CDH8: variants seen among roughly 807,000 people sequenced by gnomAD.
CDH8 encodes cadherin 8.
In CDH8, 17 loss-of-function variants were observed where a neutral mutation model predicts 68.1. The ratio of observed to expected loss-of-function variants is 0.25; its 90% CI spans 0.17 to 0.37. The LOEUF (loss-of-function observed/expected upper bound fraction) is 0.37. Ranked by LOEUF, CDH8 falls within the 10% of genes least tolerant of loss-of-function variation. CDH8 has a pLI of 1.00. For missense variants in CDH8, 763 were observed against 999.3 expected (o/e 0.76, Z 3.19); for synonymous variants, 372 against 365.1 (o/e 1.02, Z -0.21).
chr16:61,958,907 G>T (rs1327973642), intron 2 of CDH8, among the ~76,000 whole-genome samples: 1 of 152,008 alleles, frequency 6.6e-6, no homozygotes, highest in Non-Finnish European at 1.5e-5. Flanking sequence ...ATCTCCATCA[G>T]TATAACCCCC....
intron 2 of CDH8, among the ~76,000 whole-genome samples, chr16:62,008,649 G>A (rs947247546): frequency 6.6e-6 from 1 of 152,086 alleles, no homozygotes; most frequent in African/African-American, 2.4e-5. Flanking sequence ...TTATAGGCAT[G>A]AGTCACAGTC....
chr16:61,878,862 T>C (rs1963512640), intron 3 of CDH8, among the ~76,000 whole-genome samples: 1 of 152,194 alleles, frequency 6.6e-6, no homozygotes, highest in Admixed American at 6.5e-5. Flanking sequence ...GTGGCCTCCA[T>C]GATCCACAAT....
At chr16:61,995,303 G>A (rs933669029) in intron 2 of CDH8, among the ~76,000 whole-genome samples, 21 of 152,294 alleles carry the variant, frequency 1.4e-4, no homozygotes, top group African/African-American at 5.1e-4. Context: ...TTACTGTTTT[G>A]CACAAAAGAT....
At chr16:61,875,697 A>C (rs1963445968) in intron 3 of CDH8, among the ~76,000 whole-genome samples, 1 of 152,150 alleles carries the variant, frequency 6.6e-6, no homozygotes, top group Non-Finnish European at 1.5e-5. Flanking sequence ...AGAAAGTACT[A>C]TGTCAGGTGT....
At chr16:61,952,726 C>T (rs962333100) in intron 2 of CDH8, among the ~76,000 whole-genome samples, 1 of 152,100 alleles carries the variant, frequency 6.6e-6, no homozygotes, top group African/African-American at 2.4e-5. Context: ...ATTAGGGATC[C>T]TCGGAATGTT....
At chr16:61,753,094 A>C (rs1039536796) in intron 8 of CDH8, among the ~76,000 whole-genome samples, 2 of 151,584 alleles carry the variant, frequency 1.3e-5, no homozygotes, top group East Asian at 1.9e-4. Context: ...GTGATGAGCA[A>C]GAAGATTTTT....
At position 61,974,106 on chromosome 16, in the gene CDH8, G is replaced by A. The variant is rs530483718; in HGVS notation, c.252+47046C>T. On this transcript the variant is annotated intron_variant, in intron 2 of 11. Coordinates refer to ENST00000577390, the MANE Select transcript of CDH8 (RefSeq NM_001796.5). Reference sequence around the variant, plus strand: ...ACTTGACCAATGCATCTAGAAATGGGTCTGACATTTGTCTGTAATAACCCA... The same window carrying A: ...ACTTGACCAATGCATCTAGAAATGGATCTGACATTTGTCTGTAATAACCCA... 2.6e-5 allele frequency among the ~76,000 whole-genome samples: 4 copies of A among 152,248 alleles called. No individual in the cohort carries two copies. In the South Asian group the frequency reaches 8.3e-4, roughly 32 times the overall value.
intron 2 of CDH8, among the ~76,000 whole-genome samples, chr16:61,997,239 A>G (rs907987632): frequency 6.6e-6 from 1 of 152,140 alleles, no homozygotes; most frequent in Non-Finnish European, 1.5e-5. Flanking sequence ...CTTATGGTAC[A>G]CTGTTTGAAA....
chr16:61,661,159 G>T (rs1370029616), intron 10 of CDH8, among the ~76,000 whole-genome samples: 1 of 151,796 alleles, frequency 6.6e-6, no homozygotes, highest in Non-Finnish European at 1.5e-5. Context: ...AAAAGTAATA[G>T]TGGCATACTC....
chr16:61,763,549 G>A (rs1960518353), intron 8 of CDH8, among the ~76,000 whole-genome samples: 1 of 152,160 alleles, frequency 6.6e-6, no homozygotes, highest in Non-Finnish European at 1.5e-5. Context: ...GGAAATCTCT[G>A]ATTGTCCTGG....
intron 8 of CDH8, among the ~76,000 whole-genome samples, chr16:61,763,278 C>T (rs1193496529): frequency 6.6e-6 from 1 of 152,148 alleles, no homozygotes; most frequent in Non-Finnish European, 1.5e-5. Flanking sequence ...TGCATACACA[C>T]GTGCCAGGGT....
intron 10 of CDH8, among the ~76,000 whole-genome samples, chr16:61,682,560 T>C (rs1285189682): frequency 1.3e-5 from 2 of 151,952 alleles, no homozygotes; most frequent in East Asian, 3.9e-4. Flanking sequence ...TTCCCTCTTA[T>C]AGTATCTCCA....
chr16:61,841,827 A>C (rs1178526337), intron 4 of CDH8, among the ~76,000 whole-genome samples: 1 of 152,142 alleles, frequency 6.6e-6, no homozygotes, highest in East Asian at 1.9e-4. Context: ...AATAATAATA[A>C]GACAATAAAA....
Position 61,672,517 on chromosome 16 carries a change from T to C in CDH8, c.1655-16796A>G, listed in dbSNP as rs866772061. Among the ~76,000 whole-genome samples the C allele has an allele frequency of 6.6e-5, 10 of 152,074 alleles. 1 individual carries two copies. Among genetic ancestry groups the C allele is most frequent in the African/African-American group, 2.4e-4 (10 of 41,432 alleles). ...AAAAAATCTTTGAGGAATACATTTG[T>C]TATTCCACCTAAAGTGTTCTTTCAG... On this transcript the variant is annotated intron_variant, in intron 10 of 11. Coordinates refer to ENST00000577390, the MANE Select transcript of CDH8 (RefSeq NM_001796.5).
intron 8 of CDH8, among the ~76,000 whole-genome samples, chr16:61,730,164 A>T (rs1286640960): frequency 1.3e-5 from 2 of 151,444 alleles, no homozygotes; most frequent in East Asian, 3.9e-4. Context: ...TTCAACCTAG[A>T]TGACCAACAG....
At chr16:61,796,447 TC>T (rs1296553818) in intron 7 of CDH8, among the ~76,000 whole-genome samples, 20 of 152,036 alleles carry the variant, frequency 1.3e-4, no homozygotes, top group Non-Finnish European at 2.9e-4. Flanking sequence ...AAGAAACTTC[TC>T]ATTAACACAA....
chr16:61,751,400 A>C (rs1253118864), intron 8 of CDH8, among the ~76,000 whole-genome samples: 1 of 150,094 alleles, frequency 6.7e-6, no homozygotes, highest in Non-Finnish European at 1.5e-5. Context: ...AAAAAAAAAA[A>C]AAAAAAAAAA....
intron 2 of CDH8, among the ~76,000 whole-genome samples, chr16:61,944,164 T>G (rs1964766185): frequency 6.6e-6 from 1 of 152,176 alleles, no homozygotes; most frequent in South Asian, 2.1e-4. Flanking sequence ...ATTGTGAGGC[T>G]GGAATGAGAC....
At chr16:62,013,834 A>C (rs139675340) in intron 2 of CDH8, among the ~76,000 whole-genome samples, 2 of 152,200 alleles carry the variant, frequency 1.3e-5, no homozygotes, top group Non-Finnish European at 2.9e-5. Context: ...ATCTATTTAA[A>C]AAACAGAATT....
Sources: allele counts gnomAD v4.1 joint callset (sites outside exome capture counted in the v4.1 genomes callset), GRCh38; gene constraint gnomAD v4.1.1; transcripts MANE v1.5; gene names NCBI Gene and HGNC (gene_info 2026-07-23, HGNC 2026-07-21).